PIK3C2G: variants seen among roughly 807,000 people sequenced by gnomAD.
The protein encoded by PIK3C2G is phosphatidylinositol 3-kinase C2 domain-containing subunit gamma.
PIK3C2G carries 168 observed loss-of-function variants against 181.1 expected under a neutral mutation model. The ratio of observed to expected loss-of-function variants is 0.93; its 90% confidence interval spans 0.82 to 1.05. The LOEUF is 1.05. PIK3C2G is among the 50% of genes least tolerant of loss of function. The pLI is 0.00. For missense variants in PIK3C2G, 1,869 were observed against 1,732.8 expected (o/e 1.08, Z -1.40); for synonymous variants, 573 against 592.2 (o/e 0.97, Z 0.47).
intron 29 of PIK3C2G, among the ~76,000 whole-genome samples, chr12:18,579,777 C>A (rs2136416818): frequency 6.6e-6 from 1 of 152,064 alleles, no homozygotes; most frequent in South Asian, 2.1e-4. Context: ...AATTCCTTTC[C>A]TTCTTAAAAT....
chr12:18,308,210 A>G (rs1012897561), intron 5 of PIK3C2G, among the ~76,000 whole-genome samples: 17 of 151,882 alleles, frequency 1.1e-4, no homozygotes, highest in African/African-American at 3.9e-4. Context: ...TGTGACGGTT[A>G]TTAGAAACTC....
At chr12:18,683,041 G>A in the PIK3C2G span, 5 of 592,850 alleles carry the variant, frequency 8.4e-6, no homozygotes, top group South Asian at 1.0e-4. Flanking sequence ...ACGCCATGCT[G>A]GGTTAGGACC....
At chr12:18,347,913 T>C (rs1026579439) in intron 11 of PIK3C2G, among the ~76,000 whole-genome samples, 1 of 152,110 alleles carries the variant, frequency 6.6e-6, no homozygotes, top group African/African-American at 2.4e-5. Flanking sequence ...GAGGAAATTT[T>C]ACCTATGTAT....
rs563683266 is a variant in PIK3C2G at position 18,492,710 on chromosome 12, C to T, written c.2793+1152C>T. Among the ~76,000 whole-genome samples, 10 of 152,170 alleles carry T rather than the reference C, an allele frequency of 6.6e-5. No individual in the cohort carries two copies. In the East Asian group the frequency reaches 1.3e-3, roughly 21 times the overall value. ...TTTTGTTTGTTTGTTTTTGCTTTTG[C>T]TTTATTGGCTGCTTGTTTTAAAGGA... On this transcript the variant is annotated intron_variant, in intron 20 of 32. Transcript: ENST00000538779.
intron 18 of PIK3C2G, among the ~76,000 whole-genome samples, chr12:18,432,553 G>A (rs557663585): frequency 2.2e-4 from 34 of 152,256 alleles, no homozygotes; most frequent in African/African-American, 8.2e-4. Flanking sequence ...CTGAAAAGCA[G>A]TATTATAGTG....
At chr12:18,683,894 G>T in the PIK3C2G span, among the ~76,000 whole-genome samples, 17 of 151,858 alleles carry the variant, frequency 1.1e-4, no homozygotes, top group Non-Finnish European at 2.5e-4. Flanking sequence ...GTAAAGAAAT[G>T]CTTATACATG....
At chr12:18,571,706 T>C (rs1173566850) in intron 29 of PIK3C2G, among the ~76,000 whole-genome samples, 1 of 150,856 alleles carries the variant, frequency 6.6e-6, no homozygotes, top group Non-Finnish European at 1.5e-5. Flanking sequence ...ATACAACTTT[T>C]TCCATTGCTT....
At chr12:18,501,174 A>G (rs1051449172) in intron 22 of PIK3C2G, among the ~76,000 whole-genome samples, 2 of 152,180 alleles carry the variant, frequency 1.3e-5, no homozygotes, top group Non-Finnish European at 1.5e-5. Context: ...GCAATTCCGG[A>G]CGCACCTGGA....
chr12:18,387,683 C>T (rs1312779757), intron 14 of PIK3C2G, among the ~76,000 whole-genome samples: 2 of 152,138 alleles, frequency 1.3e-5, no homozygotes, highest in African/African-American at 2.4e-5. Flanking sequence ...CACGTAATAC[C>T]CAATAGCATT....
intron 18 of PIK3C2G, among the ~76,000 whole-genome samples, chr12:18,478,201 C>T (rs188534582): frequency 1.3e-5 from 2 of 152,096 alleles, no homozygotes; most frequent in African/African-American, 4.8e-5. Flanking sequence ...ACTGTAGACA[C>T]CTATTGAACT....
chr12:18,361,085 T>C (rs763731734), intron 11 of PIK3C2G, among the ~76,000 whole-genome samples: 1 of 147,340 alleles, frequency 6.8e-6, no homozygotes, highest in Admixed American at 6.6e-5. Context: ...GTTTTTGTTA[T>C]TGTTGTTGTT....
At chr12:18,386,923 C>T (rs1432881698) in intron 14 of PIK3C2G, among the ~76,000 whole-genome samples, 1 of 152,116 alleles carries the variant, frequency 6.6e-6, no homozygotes, top group African/African-American at 2.4e-5. Context: ...ATCTCTAGTT[C>T]AGACTTCTTC....
At chr12:18,627,869 T>G (rs1257786067) in intron 31 of PIK3C2G, among the ~76,000 whole-genome samples, 2 of 152,174 alleles carry the variant, frequency 1.3e-5, no homozygotes, top group African/African-American at 2.4e-5. Context: ...AAAGCTTATA[T>G]TATCCTATGA....
At chr12:18,308,501 TA>T (rs58763741) in intron 5 of PIK3C2G, among the ~76,000 whole-genome samples, 7 of 148,826 alleles carry the variant, frequency 4.7e-5, no homozygotes, top group Admixed American at 6.7e-5. Context: ...TAAAATATAG[TA>T]AAAAAAAAAG....
intron 31 of PIK3C2G, among the ~76,000 whole-genome samples, chr12:18,610,676 A>G (rs1276833114): frequency 6.6e-6 from 1 of 152,140 alleles, no homozygotes; most frequent in Non-Finnish European, 1.5e-5. Context: ...TTAAATGAGA[A>G]TAGCAGTTTT....
chr12:18,413,282 GAGAC>G (rs1944979516), intron 16 of PIK3C2G, among the ~76,000 whole-genome samples: 1 of 152,094 alleles, frequency 6.6e-6, no homozygotes, highest in Non-Finnish European at 1.5e-5. Context: ...CTGAAACAGA[GAGAC>G]AGAGTGATTT....
At chr12:18,501,471 A>G (rs995208211) in intron 22 of PIK3C2G, among the ~76,000 whole-genome samples, 4 of 152,140 alleles carry the variant, frequency 2.6e-5, no homozygotes, top group African/African-American at 9.7e-5. Context: ...GATTATGGGG[A>G]TTATAAATTG....
intron 1 of PIK3C2G, among the ~76,000 whole-genome samples, chr12:18,274,053 T>A (rs1378577416): frequency 1.3e-5 from 2 of 151,894 alleles, no homozygotes; most frequent in African/African-American, 4.8e-5. Context: ...ATGAAAAAAA[T>A]GCTCATCATC....
At chr12:18,346,111 C>A (rs187281579) in intron 10 of PIK3C2G, among the ~76,000 whole-genome samples, 1 of 152,188 alleles carries the variant, frequency 6.6e-6, no homozygotes, top group Non-Finnish European at 1.5e-5. Flanking sequence ...CATCATAAAT[C>A]TTTCATTTCA....
Sources: allele counts gnomAD v4.1 joint callset (sites outside exome capture counted in the v4.1 genomes callset), GRCh38; gene constraint gnomAD v4.1.1; transcripts MANE v1.5; gene names NCBI Gene and HGNC (gene_info 2026-07-23, HGNC 2026-07-21).